The following PCDH15 variants were observed in gnomAD, a reference collection of about 807,000 sequenced individuals.
PCDH15 encodes the protein protocadherin related 15.
PCDH15 carries 129 observed loss-of-function variants against 178.5 expected under a neutral mutation model. The ratio of observed to expected loss-of-function variants is 0.72; its 90% CI spans 0.63 to 0.84. The LOEUF (loss-of-function observed/expected upper bound fraction) is 0.84. PCDH15 is among the 40% of genes least tolerant of loss of function. PCDH15 has a pLI of 0.00. For missense variants in PCDH15, 2,230 were observed against 2,099.9 expected, an observed-to-expected ratio of 1.06 and a Z score of -1.21; for synonymous variants, 800 against 732.0, an observed-to-expected ratio of 1.09 and a Z score of -1.50.
intron 2 of PCDH15, among the ~76,000 whole-genome samples, chr10:55,132,631 A>G (rs1407519181): frequency 1.3e-5 from 2 of 152,208 alleles, no homozygotes; most frequent in Non-Finnish European, 2.9e-5. Flanking sequence ...AATGTAAAAG[A>G]ATTTAAAAAA....
chr10:54,379,540 G>T (rs777032759), intron 3 of PCDH15, among the ~76,000 whole-genome samples: 6 of 152,006 alleles, frequency 3.9e-5, no homozygotes, highest in Admixed American at 3.9e-4. Context: ...CTAGAACAAC[G>T]CACTAGGCCA....
chr10:55,210,618 CTT>C (rs11412877), intron 1 of PCDH15, among the ~76,000 whole-genome samples: 607 of 40,332 alleles, frequency 0.015, 10 homozygotes, highest in African/African-American at 0.063. Context: ...TTTTTCTTTT[CTT>C]TTTTTTTTTT....
chr10:54,228,618 A>C (rs1420332931), intron 9 of PCDH15, among the ~76,000 whole-genome samples: 1 of 152,200 alleles, frequency 6.6e-6, no homozygotes, highest in Non-Finnish European at 1.5e-5. Context: ...CATTGGTATA[A>C]GTCTCAGAAT....
At chr10:54,709,172 T>G (rs1213293980) in intron 1 of PCDH15, among the ~76,000 whole-genome samples, 1 of 152,140 alleles carries the variant, frequency 6.6e-6, no homozygotes, top group African/African-American at 2.4e-5. Context: ...CTCCCTCTGA[T>G]AAGAAATCAG....
intron 18 of PCDH15, among the ~76,000 whole-genome samples, chr10:54,038,153 T>C (rs2135487801): frequency 6.6e-6 from 1 of 152,082 alleles, no homozygotes; most frequent in Non-Finnish European, 1.5e-5. Flanking sequence ...GAAATCCCAA[T>C]GAACTAATTC....
At chr10:55,131,960 C>A (rs1028541066) in intron 2 of PCDH15, among the ~76,000 whole-genome samples, 23 of 152,116 alleles carry the variant, frequency 1.5e-4, no homozygotes, top group African/African-American at 5.5e-4. Flanking sequence ...CCCCCAGGAG[C>A]CTGTCTGCAT....
intron 2 of PCDH15, among the ~76,000 whole-genome samples, chr10:55,159,846 C>T (rs1346002625): frequency 6.7e-6 from 1 of 149,300 alleles, no homozygotes; most frequent in African/African-American, 2.4e-5. Context: ...TATCCTTTTG[C>T]AAACGACGGT....
chr10:55,094,357 C>T (rs1322194375), intron 2 of PCDH15, among the ~76,000 whole-genome samples: 1 of 151,360 alleles, frequency 6.6e-6, no homozygotes, highest in Non-Finnish European at 1.5e-5. Flanking sequence ...CACTTGGACA[C>T]AGGGTGGGGA....
intron 2 of PCDH15, among the ~76,000 whole-genome samples, chr10:54,574,823 T>C (rs915636865): frequency 1.4e-4 from 21 of 145,840 alleles, no homozygotes; most frequent in African/African-American, 3.8e-4. Flanking sequence ...GGACTATAAA[T>C]CATGCTGCTA....
chr10:54,754,067 A>T (rs2133038977), intron 1 of PCDH15, among the ~76,000 whole-genome samples: 1 of 151,194 alleles, frequency 6.6e-6, no homozygotes, highest in South Asian at 2.1e-4. Flanking sequence ...TGACCTCGTG[A>T]TCCACCCGTC....
chr10:54,530,161 T>C (rs1455577576), intron 2 of PCDH15, among the ~76,000 whole-genome samples: 3 of 152,168 alleles, frequency 2.0e-5, no homozygotes, highest in Admixed American at 6.6e-5. Flanking sequence ...AATATCTTCA[T>C]ATTCCAGCCC....
chr10:55,367,969 C>T (rs982659871), intron 2 of PCDH15, among the ~76,000 whole-genome samples: 1 of 152,110 alleles, frequency 6.6e-6, no homozygotes, highest in African/African-American at 2.4e-5. Context: ...AAATCTCTGG[C>T]CTCCCATTAC....
chr10:53,879,951 C>T (rs754164383), intron 26 of PCDH15, among the ~76,000 whole-genome samples: 74 of 152,174 alleles, frequency 4.9e-4, no homozygotes, highest in Non-Finnish European at 9.1e-4. Context: ...CGCGGCTAGC[C>T]GTAACTTTAT....
intron 2 of PCDH15, among the ~76,000 whole-genome samples, chr10:55,568,991 G>A (rs1338286862): frequency 1.3e-5 from 2 of 151,976 alleles, no homozygotes; most frequent in South Asian, 2.1e-4. Flanking sequence ...TGCTGAGAGC[G>A]AAAGAATGTT....
At chr10:55,597,019 T>C (rs1265947171) in intron 2 of PCDH15, 2 of 152,130 alleles carry the variant, frequency 1.3e-5, no homozygotes, top group Non-Finnish European at 2.9e-5. Context: ...AAACCTTATA[T>C]CTCAATGTAC....
intron 15 of PCDH15, among the ~76,000 whole-genome samples, chr10:54,093,948 T>C (rs1349453320): frequency 3.3e-5 from 5 of 152,178 alleles, no homozygotes; most frequent in Non-Finnish European, 7.4e-5. Flanking sequence ...TTTTATGTGC[T>C]TATTTTTGAT....
intron 4 of PCDH15, among the ~76,000 whole-genome samples, chr10:54,372,617 T>C (rs1056947104): frequency 3.3e-5 from 5 of 151,898 alleles, no homozygotes; most frequent in African/African-American, 4.8e-5. Flanking sequence ...TGCTTAAGAA[T>C]GCATTAGGGA....
intron 2 of PCDH15, among the ~76,000 whole-genome samples, chr10:55,123,298 C>T (rs1837818828): frequency 6.6e-6 from 1 of 151,890 alleles, no homozygotes; most frequent in Non-Finnish European, 1.5e-5. Context: ...ATTCATTTCT[C>T]TCAACATTTC....
At chr10:55,344,806 T>C (rs975188290) in intron 2 of PCDH15, among the ~76,000 whole-genome samples, 1 of 152,040 alleles carries the variant, frequency 6.6e-6, no homozygotes, top group Non-Finnish European at 1.5e-5. Flanking sequence ...GTTCTGTGAC[T>C]GAAAGACACA....
Sources: gnomAD v4.1 joint callset for allele counts (sites outside exome capture counted in the v4.1 genomes callset) on GRCh38, gnomAD v4.1.1 for gene constraint, MANE v1.5 for transcripts, NCBI Gene and HGNC (gene_info 2026-07-23, HGNC 2026-07-21) for gene names.